Variants in ZDHHC21 observed in about 807,000 individuals in gnomAD.
ZDHHC21 encodes zDHHC palmitoyltransferase 21.
ZDHHC21 carries 15 observed loss-of-function variants against 34.6 expected under a neutral mutation model. That is an observed-to-expected ratio of 0.43 (90% CI 0.29 to 0.67). The LOEUF (loss-of-function observed/expected upper bound fraction) is 0.67, where lower values mean the gene tolerates loss of function less well. Ranked by LOEUF, ZDHHC21 falls within the 30% of genes least tolerant of loss-of-function variation. The pLI is 0.14. For missense variants in ZDHHC21, 344 were observed against 327.7 expected (o/e 1.05, Z -0.38); for synonymous variants, 142 against 101.8 (o/e 1.40, Z -2.38).
chr9:14,600,621 T>C, the ZDHHC21 span, among the ~76,000 whole-genome samples: 8 of 151,848 alleles, frequency 5.3e-5, no homozygotes, highest in South Asian at 2.1e-4. Flanking sequence ...CAAGTTACCA[T>C]TGACTTCACA....
At chr9:14,599,640 G>A in the ZDHHC21 span, among the ~76,000 whole-genome samples, 1 of 151,996 alleles carries the variant, frequency 6.6e-6, no homozygotes. Context: ...TGAAGCCAGG[G>A]TGCCAAGTGA....
chr9:14,645,329 A>C (rs1398100804), intron 7 of ZDHHC21, among the ~76,000 whole-genome samples: 1 of 152,082 alleles, frequency 6.6e-6, no homozygotes, highest in African/African-American at 2.4e-5. Flanking sequence ...GATTAGGAGA[A>C]AGATGGCACT....
chr9:14,680,727 T>C (rs1356421057), intron 2 of ZDHHC21, among the ~76,000 whole-genome samples: 2 of 152,166 alleles, frequency 1.3e-5, no homozygotes, highest in Non-Finnish European at 2.9e-5. Flanking sequence ...ACACTATACC[T>C]ACTATGCTTT....
chr9:14,628,448 G>C (rs1826700502), intron 8 of ZDHHC21, among the ~76,000 whole-genome samples: 2 of 152,108 alleles, frequency 1.3e-5, no homozygotes, highest in South Asian at 2.1e-4. Flanking sequence ...ATCCCAAAGA[G>C]ACAACACTTA....
At chr9:14,634,769 T>C (rs4265280) in intron 8 of ZDHHC21, among the ~76,000 whole-genome samples, 58,477 of 151,952 alleles carry the variant, frequency 0.38, 11,639 homozygotes, top group Non-Finnish European at 0.44. Flanking sequence ...GATATCAACA[T>C]AGGGACACAA....
At chr9:14,638,112 G>A (rs1828628552) in intron 8 of ZDHHC21, among the ~76,000 whole-genome samples, 1 of 152,036 alleles carries the variant, frequency 6.6e-6, no homozygotes, top group Admixed American at 6.6e-5. Flanking sequence ...CACATTACCT[G>A]ACTTCAAAGT....
chr9:14,591,221 T>C, the ZDHHC21 span, among the ~76,000 whole-genome samples: 1 of 152,120 alleles, frequency 6.6e-6, no homozygotes, highest in Non-Finnish European at 1.5e-5. Flanking sequence ...AATGTTTCTG[T>C]CCCTTCCAAA....
At chr9:14,645,551 A>C (rs1223343835) in intron 7 of ZDHHC21, among the ~76,000 whole-genome samples, 1 of 152,118 alleles carries the variant, frequency 6.6e-6, no homozygotes. Context: ...ATATTTTATA[A>C]ACTGAACCCA....
At chr9:14,608,430 A>C (rs1339124177), downstream of ZDHHC21, among the ~76,000 whole-genome samples, 1 of 152,208 alleles carries the variant, frequency 6.6e-6, no homozygotes, top group Non-Finnish European at 1.5e-5. Context: ...ACGTGTCTAC[A>C]GTAGTATCTG....
chr9:14,619,594 C>T, intron 9 of ZDHHC21, 45 bp downstream of exon 9: 1 of 1,320,144 alleles, frequency 7.6e-7, no homozygotes, highest in Non-Finnish European at 1.0e-6. Context: ...ATGTCCAGTT[C>T]TTTCCAATTT....
At chr9:14,638,023 C>T (rs1156990818) in intron 8 of ZDHHC21, among the ~76,000 whole-genome samples, 1 of 151,870 alleles carries the variant, frequency 6.6e-6, no homozygotes, top group Non-Finnish European at 1.5e-5. Flanking sequence ...TTAGAGAAAA[C>T]AATCCTAAAA....
the ZDHHC21 span, among the ~76,000 whole-genome samples, chr9:14,590,282 T>A: frequency 1.3e-5 from 2 of 152,104 alleles, no homozygotes; most frequent in East Asian, 1.9e-4. Flanking sequence ...AAATATGAAC[T>A]GAGTCTTAGT....
rs565537851 is a variant in ZDHHC21, at chr9:14,672,768, A to C, written c.253+62T>G. 91 of 1,138,240 alleles carry C rather than the reference A, an allele frequency of 8.0e-5. No individual in the cohort carries two copies. In the East Asian group the frequency reaches 2.1e-3, roughly 26 times the overall value. The allele number at this position is 1,138,240 out of a possible 1,614,324, so 70.5% of individuals were successfully genotyped here. A position where few individuals can be genotyped will look rare whatever the true frequency, so the allele number is the denominator to read the frequency against. On this transcript the variant is annotated intron_variant, in intron 5 of 9. Transcript: ENST00000380916. ...AACCAATATATATTAAAGGCAATAA[A>C]ATATGTAAATAAAGACAGTAATTCT...
At chr9:14,643,521 T>C (rs1458750832) in intron 7 of ZDHHC21, among the ~76,000 whole-genome samples, 1 of 152,216 alleles carries the variant, frequency 6.6e-6, no homozygotes, top group East Asian at 1.9e-4. Flanking sequence ...GTCTTAATTT[T>C]ACGTAGTCCA....
intron 8 of ZDHHC21, among the ~76,000 whole-genome samples, chr9:14,624,888 T>C (rs1017069948): frequency 4.6e-5 from 7 of 152,064 alleles, no homozygotes; most frequent in Admixed American, 1.3e-4. Flanking sequence ...ATACAAATAT[T>C]GAAGCATCAC....
the ZDHHC21 span, among the ~76,000 whole-genome samples, chr9:14,598,989 C>G: frequency 6.6e-6 from 1 of 152,092 alleles, no homozygotes; most frequent in Non-Finnish European, 1.5e-5. Context: ...TCTCGAACTC[C>G]TGAGCTCAAG....
the ZDHHC21 span, among the ~76,000 whole-genome samples, chr9:14,604,332 G>T: frequency 1.3e-5 from 2 of 151,836 alleles, no homozygotes; most frequent in Non-Finnish European, 2.9e-5. Flanking sequence ...TTGTTCTGTG[G>T]GATTTATAAT....
chr9:14,682,622 G>C (rs1016751583), intron 2 of ZDHHC21, among the ~76,000 whole-genome samples: 1 of 152,092 alleles, frequency 6.6e-6, no homozygotes, highest in Non-Finnish European at 1.5e-5. Context: ...GTCAACATTA[G>C]ATCAACGAGA....
Position 14,666,748 on chromosome 9 carries a change from T to A in ZDHHC21, c.254-4422A>T, listed in dbSNP as rs1384601606. Among the ~76,000 whole-genome samples the A allele has an allele frequency of 4.1e-5, 3 of 72,560 alleles. No homozygotes were observed. The South Asian group carries it at 2.2e-3, about 54-fold the overall frequency. 47.6% of individuals were successfully genotyped at this position (72,560 alleles called of 152,430 possible). ...ACTGAACAACCTGCTCCTGAATGAC[T>A]ACTGGGTACATAACGAAATGAAGGC... is the stretch of plus-strand genomic sequence containing the variant. On this transcript the variant is annotated intron_variant, in intron 5 of 9. Transcript: ENST00000380916.
Sources: gnomAD v4.1 joint callset for allele counts (sites outside exome capture counted in the v4.1 genomes callset) on GRCh38, gnomAD v4.1.1 for gene constraint, MANE v1.5 for transcripts, NCBI Gene and HGNC (gene_info 2026-07-23, HGNC 2026-07-21) for gene names.